SCHIP1: variants seen among roughly 807,000 people sequenced by gnomAD.
SCHIP1 encodes the protein schwannomin-interacting protein 1.
In SCHIP1, 8 loss-of-function variants were observed where a neutral mutation model predicts 29.7. The observed-to-expected ratio is 0.27, with a 90% CI of 0.16 to 0.49. SCHIP1 has a LOEUF of 0.49. SCHIP1 is among the 20% of genes least tolerant of loss of function. The pLI is 0.99. For missense variants in SCHIP1, 193 were observed against 294.6 expected (o/e 0.66, Z 2.52); for synonymous variants, 76 against 94.9 (o/e 0.80, Z 1.16).
At chr3:159,420,886 C>T in the SCHIP1 span, among the ~76,000 whole-genome samples, 1 of 152,140 alleles carries the variant, frequency 6.6e-6, no homozygotes, top group African/African-American at 2.4e-5. Context: ...TTATCCTGGC[C>T]ATATGGTGTA....
chr3:159,407,708 A>G, the SCHIP1 span, among the ~76,000 whole-genome samples: 1 of 152,232 alleles, frequency 6.6e-6, no homozygotes, highest in South Asian at 2.1e-4. Context: ...GTGGAACAAA[A>G]CTGGAAATAA....
At chr3:159,593,303 C>A in the SCHIP1 span, among the ~76,000 whole-genome samples, 1 of 152,142 alleles carries the variant, frequency 6.6e-6, no homozygotes, top group Non-Finnish European at 1.5e-5. Context: ...CCCGAGGAGC[C>A]TCAGAGAAGC....
At chr3:159,504,590 T>C in the SCHIP1 span, among the ~76,000 whole-genome samples, 3 of 152,200 alleles carry the variant, frequency 2.0e-5, no homozygotes, top group Non-Finnish European at 2.9e-5. Flanking sequence ...CTTTGTATTA[T>C]AATTTATACA....
the SCHIP1 span, among the ~76,000 whole-genome samples, chr3:159,382,189 T>C: frequency 6.6e-6 from 1 of 151,364 alleles, no homozygotes; most frequent in African/African-American, 2.4e-5. Context: ...ACATGTGCCA[T>C]GCTGGTGTGC....
chr3:159,593,500 C>T, the SCHIP1 span, among the ~76,000 whole-genome samples: 2 of 152,152 alleles, frequency 1.3e-5, no homozygotes, highest in African/African-American at 4.8e-5. Flanking sequence ...CCATGTGAAC[C>T]TAAGAAAGTA....
the SCHIP1 span, among the ~76,000 whole-genome samples, chr3:159,382,443 T>C: frequency 6.6e-6 from 1 of 151,652 alleles, no homozygotes; most frequent in African/African-American, 2.4e-5. Context: ...GAACTCATCA[T>C]TTTTTATGGC....
the SCHIP1 span, among the ~76,000 whole-genome samples, chr3:159,795,973 T>C: frequency 6.6e-6 from 1 of 152,176 alleles, no homozygotes. Context: ...TCAAAATCAC[T>C]GAGGTTAGAG....
chr3:159,871,930 C>G (rs1327979240), intron 2 of SCHIP1, among the ~76,000 whole-genome samples: 1 of 152,068 alleles, frequency 6.6e-6, no homozygotes, highest in Non-Finnish European at 1.5e-5. Context: ...TCTTTGTGTT[C>G]GGTCCTACTT....
chr3:159,349,376 C>T, the SCHIP1 span, among the ~76,000 whole-genome samples: 183 of 152,308 alleles, frequency 1.2e-3, no homozygotes, highest in African/African-American at 4.3e-3. Flanking sequence ...TAGAGTTCCA[C>T]AGTGGAGTTA....
the SCHIP1 span, among the ~76,000 whole-genome samples, chr3:159,576,026 G>A: frequency 6.6e-6 from 1 of 152,038 alleles, no homozygotes; most frequent in East Asian, 1.9e-4. Context: ...GCCTTTGGAA[G>A]TTCATTCAGT....
chr3:159,839,898 G>T (rs1056612676), exon 1 of SCHIP1: 1 of 1,389,524 alleles, frequency 7.2e-7, no homozygotes, highest in East Asian at 2.7e-5. Flanking sequence ...CTGATTGTGC[G>T]GGTGATGAGC....
the SCHIP1 span, among the ~76,000 whole-genome samples, chr3:159,407,818 A>G: frequency 6.6e-6 from 1 of 152,226 alleles, no homozygotes; most frequent in Non-Finnish European, 1.5e-5. Context: ...AAGGAAATGG[A>G]AAAATTTCTT....
chr3:159,411,768 C>T, the SCHIP1 span, among the ~76,000 whole-genome samples: 2 of 152,126 alleles, frequency 1.3e-5, no homozygotes, highest in Admixed American at 1.3e-4. Flanking sequence ...TTTCATGTAA[C>T]CTTGCAACAG....
At chr3:159,596,392 G>T in the SCHIP1 span, among the ~76,000 whole-genome samples, 1 of 152,150 alleles carries the variant, frequency 6.6e-6, no homozygotes, top group Non-Finnish European at 1.5e-5. Flanking sequence ...AGAGTGTGGC[G>T]ATTCCTCAAG....
the SCHIP1 span, among the ~76,000 whole-genome samples, chr3:159,749,131 C>G: frequency 6.6e-6 from 1 of 151,860 alleles, no homozygotes; most frequent in Non-Finnish European, 1.5e-5. Context: ...AAAAGTTAGC[C>G]GGGTGTGGTG....
chr3:159,814,317 G>A, the SCHIP1 span, among the ~76,000 whole-genome samples: 1 of 152,162 alleles, frequency 6.6e-6, no homozygotes, highest in Non-Finnish European at 1.5e-5. Context: ...CTCTCCCTCT[G>A]CCCTGTTTTA....
the SCHIP1 span, among the ~76,000 whole-genome samples, chr3:159,570,461 G>A: frequency 6.6e-6 from 1 of 152,182 alleles, no homozygotes; most frequent in East Asian, 1.9e-4. Flanking sequence ...TTGTAGATGT[G>A]TGGTGTTATT....
the SCHIP1 span, among the ~76,000 whole-genome samples, chr3:159,595,853 C>G: frequency 2.0e-5 from 3 of 152,210 alleles, no homozygotes; most frequent in African/African-American, 7.2e-5. Context: ...ATTCAGGAAC[C>G]CAGATAGGTT....
At chr3:159,419,546 C>T in the SCHIP1 span, among the ~76,000 whole-genome samples, 24 of 152,180 alleles carry the variant, frequency 1.6e-4, no homozygotes, top group Non-Finnish European at 3.5e-4. Flanking sequence ...CGTTGACTCA[C>T]ACCTGTAATC....
Sources: allele counts gnomAD v4.1 joint callset (sites outside exome capture counted in the v4.1 genomes callset), GRCh38; gene constraint gnomAD v4.1.1; transcripts MANE v1.5; gene names NCBI Gene and HGNC (gene_info 2026-07-23, HGNC 2026-07-21).